CTNNA3: variants seen among roughly 807,000 people sequenced by gnomAD.
The protein encoded by CTNNA3 is catenin alpha-3.
Under a neutral mutation model 95.7 loss-of-function variants are expected in CTNNA3, and 76 were observed. That is an observed-to-expected ratio of 0.79 (90% confidence interval 0.66 to 0.96). The LOEUF (loss-of-function observed/expected upper bound fraction) is 0.96, where lower values mean the gene tolerates loss of function less well. CTNNA3 is among the 40% of genes least tolerant of loss of function. The pLI is 0.00. For missense variants in CTNNA3, 1,191 were observed against 1,089.8 expected (o/e 1.09, Z -1.31); for synonymous variants, 431 against 374.4 (o/e 1.15, Z -1.74).
chr10:66,238,556 G>C (rs1488173359), intron 13 of CTNNA3, among the ~76,000 whole-genome samples: 1 of 151,934 alleles, frequency 6.6e-6, no homozygotes, highest in South Asian at 2.1e-4. Flanking sequence ...AGTAAAAATA[G>C]CATGCGATGA....
At chr10:66,789,932 T>C (rs1840901884) in intron 7 of CTNNA3, among the ~76,000 whole-genome samples, 2 of 152,134 alleles carry the variant, frequency 1.3e-5, no homozygotes, top group South Asian at 4.1e-4. Context: ...GGCAGGATAC[T>C]GAATGTTAGC....
intron 14 of CTNNA3, among the ~76,000 whole-genome samples, chr10:66,097,145 T>C (rs1260446063): frequency 6.6e-6 from 1 of 152,206 alleles, no homozygotes; most frequent in East Asian, 1.9e-4. Context: ...CTTAAAGCAT[T>C]TCTTCATTAG....
intron 10 of CTNNA3, among the ~76,000 whole-genome samples, chr10:66,593,527 G>A (rs1218685781): frequency 1.3e-5 from 2 of 151,980 alleles, no homozygotes; most frequent in Admixed American, 6.6e-5. Context: ...AAGTTTCCAG[G>A]TGATTTTGAT....
rs1166992826 is a variant in CTNNA3 at position 66,169,057 on chromosome 10, T to TTTGTTG, written c.1885-65814_1885-65809dup. On this transcript the variant is annotated intron_variant, in intron 13 of 17. Coordinates refer to ENST00000433211, the MANE Select transcript of CTNNA3 (RefSeq NM_013266.4). Reference sequence around the variant, plus strand: ...CTCATGTACCAATTAATTGTCTATTTTTGTTGTTGTTGTTGTTACATAAAT... The same window carrying TTTGTTG: ...CTCATGTACCAATTAATTGTCTATTTTTGTTGTTGTTGTTGTTGTTGTTACATAAAT... Among the ~76,000 whole-genome samples the TTTGTTG allele has an allele frequency of 3.9e-5, 6 of 152,246 alleles. No individual in the cohort carries two copies. The East Asian group carries it at 1.2e-3, about 29-fold the overall frequency.
chr10:67,716,122 T>C (rs1181147123), intron 1 of CTNNA3, among the ~76,000 whole-genome samples: 2 of 152,150 alleles, frequency 1.3e-5, no homozygotes, highest in African/African-American at 4.8e-5. Context: ...TTAAAATCAA[T>C]TCATGTTATC....
In CTNNA3 at chr10:66,217,435, T is replaced by G. The variant is rs374640806; in HGVS notation, c.1884+63035A>C. Among the ~76,000 whole-genome samples, 3 of 152,252 alleles carry G rather than the reference T, an allele frequency of 2.0e-5. No homozygotes were observed. In the East Asian group the frequency reaches 5.8e-4, roughly 29 times the overall value. ...TTTTAACTTTGTGTAATACCTTTGA[T>G]CCATCCAAATTGTTGCATGTATCAA... On this transcript the variant is annotated intron_variant, in intron 13 of 17. Transcript: ENST00000433211.
intron 11 of CTNNA3, among the ~76,000 whole-genome samples, chr10:66,418,202 C>G (rs1422170443): frequency 6.7e-6 from 1 of 148,590 alleles, no homozygotes; most frequent in East Asian, 2.0e-4. Context: ...ACAACTGATA[C>G]AACAGAAATA....
At chr10:67,107,993 A>G (rs1187807553) in intron 7 of CTNNA3, among the ~76,000 whole-genome samples, 1 of 152,214 alleles carries the variant, frequency 6.6e-6, no homozygotes, top group Admixed American at 6.5e-5. Context: ...CTCACCATTC[A>G]AATTGTCTGT....
At position 67,173,451 on chromosome 10, in the gene CTNNA3, T is replaced by C. The variant is rs572723692; in HGVS notation, c.1047+6866A>G. ...CCCCATAGGACAGCTAAGATTTCCA[T>C]TGTAAGTTGGCTTCTCTGCCAATCT... is the stretch of plus-strand genomic sequence containing the variant. On this transcript the variant is annotated intron_variant, in intron 7 of 17. Coordinates refer to ENST00000433211, the MANE Select transcript of CTNNA3 (RefSeq NM_013266.4). Among the ~76,000 whole-genome samples, 4 of 152,346 alleles carry C rather than the reference T, an allele frequency of 2.6e-5. No individual in the cohort carries two copies. In the East Asian group the frequency reaches 7.7e-4, roughly 29 times the overall value.
chr10:66,146,170 C>G (rs2083876955), intron 13 of CTNNA3, among the ~76,000 whole-genome samples: 1 of 151,994 alleles, frequency 6.6e-6, no homozygotes, highest in African/African-American at 2.4e-5. Context: ...TTTTTTATAT[C>G]TCAGCTTTAT....
chr10:67,395,420 G>A (rs1844675709), intron 5 of CTNNA3, among the ~76,000 whole-genome samples: 1 of 152,070 alleles, frequency 6.6e-6, no homozygotes, highest in South Asian at 2.1e-4. Flanking sequence ...TGATGGCAAG[G>A]AACACACCTC....
intron 11 of CTNNA3, among the ~76,000 whole-genome samples, chr10:66,504,115 C>G (rs1221699295): frequency 6.6e-6 from 1 of 152,072 alleles, no homozygotes. Flanking sequence ...TTGTTATTAA[C>G]TATAGTCAGC....
chr10:67,012,588 T>C (rs1424448323), intron 7 of CTNNA3, among the ~76,000 whole-genome samples: 2 of 152,194 alleles, frequency 1.3e-5, no homozygotes, highest in South Asian at 2.1e-4. Flanking sequence ...ACCTACTTGC[T>C]TGTCTTCAGG....
At chr10:66,064,259 T>C (rs754677635) in intron 15 of CTNNA3, among the ~76,000 whole-genome samples, 3 of 152,158 alleles carry the variant, frequency 2.0e-5, no homozygotes, top group Admixed American at 1.3e-4. Context: ...ACTGACGCCA[T>C]GATTCAATTG....
chr10:67,185,618 G>C (rs1269621074), intron 6 of CTNNA3, among the ~76,000 whole-genome samples: 2 of 152,036 alleles, frequency 1.3e-5, no homozygotes, highest in Admixed American at 6.6e-5. Context: ...ATCAGTTAAG[G>C]CTTCATTCAT....
chr10:67,444,698 G>C (rs542696099), intron 5 of CTNNA3, among the ~76,000 whole-genome samples: 23 of 64,576 alleles, frequency 3.6e-4, no homozygotes, highest in African/African-American at 6.6e-4. Flanking sequence ...AATAAAATCA[G>C]AGATTAAAAA....
chr10:67,675,892 A>C (rs1447418329), intron 1 of CTNNA3, among the ~76,000 whole-genome samples: 1 of 152,034 alleles, frequency 6.6e-6, no homozygotes, highest in South Asian at 2.1e-4. Flanking sequence ...TCAGTTTTTT[A>C]CTTTATGGCT....
At chr10:66,791,869 G>C (rs139497449) in intron 7 of CTNNA3, among the ~76,000 whole-genome samples, 2 of 152,062 alleles carry the variant, frequency 1.3e-5, no homozygotes, top group East Asian at 3.8e-4. Context: ...TTTCTATATC[G>C]TTGGGTTATA....
intron 2 of CTNNA3, among the ~76,000 whole-genome samples, chr10:67,642,911 G>A (rs1839584622): frequency 6.6e-6 from 1 of 151,298 alleles, no homozygotes; most frequent in African/African-American, 2.5e-5. Flanking sequence ...AAGACAGCGT[G>A]GCGATTTCTC....
Sources: allele counts gnomAD v4.1 joint callset (sites outside exome capture counted in the v4.1 genomes callset), GRCh38; gene constraint gnomAD v4.1.1; transcripts MANE v1.5; gene names NCBI Gene and HGNC (gene_info 2026-07-23, HGNC 2026-07-21).